Variants in U2SURP observed in about 807,000 individuals in gnomAD.
U2SURP encodes U2 snRNP-associated SURP motif-containing protein.
A neutral mutation model predicts 144.9 loss-of-function variants in U2SURP; 9 were observed. The observed-to-expected ratio is 0.06, with a 90% CI of 0.04 to 0.11. The LOEUF is 0.11. Among genes scored for constraint, U2SURP ranks in the 10% least tolerant of loss-of-function variants. The pLI, the probability that U2SURP is intolerant of heterozygous loss-of-function variation, is 1.00. For synonymous variants in U2SURP, 408 were observed against 396.8 expected, an observed-to-expected ratio of 1.03 and a Z score of -0.33; for missense variants, 724 against 1,226.7, an observed-to-expected ratio of 0.59 and a Z score of 6.12.
intron 6 of U2SURP, among the ~76,000 whole-genome samples, chr3:143,017,557 A>G (rs1422310526): frequency 6.6e-6 from 1 of 152,132 alleles, no homozygotes; most frequent in African/African-American, 2.4e-5. Context: ...GGCTTAAAAA[A>G]TATCTCTAAA....
intron 26 of U2SURP, 81 bp downstream of exon 26, chr3:143,053,875 C>A (rs981201788): frequency 1.1e-5 from 13 of 1,141,152 alleles, no homozygotes; most frequent in Non-Finnish European, 1.6e-5. Flanking sequence ...ATCATTGATG[C>A]CCGCAAACTG....
At chr3:143,047,610 T>C (rs112534579) in intron 24 of U2SURP, among the ~76,000 whole-genome samples, 1 of 29,250 alleles carries the variant, frequency 3.4e-5, no homozygotes, top group Non-Finnish European at 5.9e-5. Context: ...ACGGGGCGGC[T>C]GGCCGGGCAG....
intron 1 of U2SURP, among the ~76,000 whole-genome samples, chr3:143,009,641 C>G (rs370381787): frequency 5.9e-5 from 9 of 151,952 alleles, no homozygotes; most frequent in African/African-American, 2.2e-4. Flanking sequence ...GGGAGGGGTC[C>G]CAGTGCTTGG....
chr3:143,045,070 T>A (rs1934350251), intron 24 of U2SURP, among the ~76,000 whole-genome samples: 1 of 152,148 alleles, frequency 6.6e-6, no homozygotes, highest in Non-Finnish European at 1.5e-5. Flanking sequence ...TCCTCTCACC[T>A]TATAAGAAGC....
At chr3:143,047,173 G>A (rs1277994338) in intron 24 of U2SURP, among the ~76,000 whole-genome samples, 1 of 95,722 alleles carries the variant, frequency 1.0e-5, no homozygotes, top group African/African-American at 5.5e-5. Context: ...CAGGCGGGGG[G>A]CTGATCCCCC....
At chr3:143,048,957 T>G (rs1357077817) in intron 24 of U2SURP, among the ~76,000 whole-genome samples, 2 of 151,164 alleles carry the variant, frequency 1.3e-5, no homozygotes, top group Non-Finnish European at 1.5e-5. Flanking sequence ...TCAAAAATAG[T>G]GAAAATGCCA....
chr3:143,045,670 C>T (rs1167424433), intron 24 of U2SURP, among the ~76,000 whole-genome samples: 1 of 152,204 alleles, frequency 6.6e-6, no homozygotes, highest in Non-Finnish European at 1.5e-5. Context: ...CATTTCCATA[C>T]TTCATGTGCT....
In U2SURP at chr3:143,028,420, A is replaced by G. The variant is rs1933278023; in HGVS notation, c.1446+14A>G. 3 of 1,612,014 alleles carry G rather than the reference A, an allele frequency of 1.9e-6. No homozygotes were observed. The highest frequency in any genetic ancestry group is 1.7e-6 in the Non-Finnish European group (2 of 1,179,318). ...TCTATTCTGCAGGCAAGTAGAATCA[A>G]TTACTTTGTTAATTTTGACTCTGAG... On this transcript the variant is annotated intron_variant, in intron 15 of 27. Coordinates refer to ENST00000473835, the MANE Select transcript of U2SURP (RefSeq NM_001080415.2).
intron 1 of U2SURP, among the ~76,000 whole-genome samples, chr3:143,005,141 CT>C (rs71153997): frequency 0.03 from 4,040 of 136,748 alleles, 39 homozygotes; most frequent in African/African-American, 0.056. Context: ...GTGACTATGG[CT>C]TTTTTTTTTT....
intron 24 of U2SURP, among the ~76,000 whole-genome samples, chr3:143,045,622 C>T (rs938684662): frequency 1.5e-4 from 23 of 152,266 alleles, no homozygotes; most frequent in Admixed American, 7.8e-4. Flanking sequence ...CGTATATATG[C>T]GATACACGTG....
chr3:143,020,803 G>A (rs1936591764), intron 8 of U2SURP, 110 bp downstream of exon 8: 1 of 773,160 alleles, frequency 1.3e-6, no homozygotes, highest in Non-Finnish European at 2.1e-6. Flanking sequence ...TGAAACCATG[G>A]ATATATACTA....
intron 1 of U2SURP, among the ~76,000 whole-genome samples, chr3:143,002,571 CT>C (rs1265332027): frequency 5.3e-5 from 8 of 152,164 alleles, no homozygotes; most frequent in Non-Finnish European, 1.2e-4. Context: ...GGTAGTTAAA[CT>C]TTCCGATGCT....
chr3:143,014,444 A>G, intron 4 of U2SURP, 35 bp downstream of exon 4: 1 of 1,433,254 alleles, frequency 7.0e-7, no homozygotes, highest in Non-Finnish European at 9.7e-7. Flanking sequence ...TTATCCTTGG[A>G]AATGAATGTG....
intron 24 of U2SURP, among the ~76,000 whole-genome samples, chr3:143,048,346 G>C (rs1172089320): frequency 6.6e-6 from 1 of 152,140 alleles, no homozygotes; most frequent in Non-Finnish European, 1.5e-5. Context: ...TCTCCCCTAA[G>C]TAACATTTGG....
chr3:143,023,113 A>G (rs1932929089), intron 12 of U2SURP, 49 bp downstream of exon 12: 1 of 1,408,214 alleles, frequency 7.1e-7, no homozygotes, highest in African/African-American at 1.5e-5. Flanking sequence ...TAAATACTAA[A>G]GCTGTGGTAG....
At chr3:143,010,227 T>A (rs576040895) in intron 1 of U2SURP, among the ~76,000 whole-genome samples, 1 of 152,228 alleles carries the variant, frequency 6.6e-6, no homozygotes, top group Non-Finnish European at 1.5e-5. Flanking sequence ...CTGGAAGATA[T>A]TATATGAACT....
chr3:143,043,026 T>G, intron 23 of U2SURP, 91 bp from the exon 24 acceptor site: 1 of 1,284,520 alleles, frequency 7.8e-7, no homozygotes, highest in Non-Finnish European at 1.0e-6. Flanking sequence ...TTATTTAAGC[T>G]CTAAGACAAT....
In U2SURP at chr3:143,021,394, G is replaced by C. The variant is rs1185199262; in HGVS notation, c.769+9G>C. 2.2e-5 allele frequency: 35 copies of C among 1,604,978 alleles called. No homozygotes were observed. Among genetic ancestry groups the C allele is most frequent in the Non-Finnish European group, 2.4e-5 (28 of 1,174,858 alleles). On this transcript the variant is annotated intron_variant, in intron 9 of 27. Transcript: ENST00000473835. ...AAATAGATCATCTGGTGGTAATACA[G>C]TTTTTTGCTCTTTTAATCGATAAAT... is the stretch of plus-strand genomic sequence containing the variant.
chr3:143,043,717 G>GTGTA (rs1187594969), intron 24 of U2SURP, among the ~76,000 whole-genome samples: 10 of 147,354 alleles, frequency 6.8e-5, no homozygotes, highest in African/African-American at 2.5e-4. Context: ...TAGATTATAT[G>GTGTA]TATATATATA....
Sources: gnomAD v4.1 joint callset for allele counts (sites outside exome capture counted in the v4.1 genomes callset) on GRCh38, gnomAD v4.1.1 for gene constraint, MANE v1.5 for transcripts, NCBI Gene and HGNC (gene_info 2026-07-23, HGNC 2026-07-21) for gene names.